The following DSE variants were observed in gnomAD, a reference collection of about 807,000 sequenced individuals.
DSE encodes dermatan-sulfate epimerase.
A neutral mutation model predicts 84.4 loss-of-function variants in DSE; 36 were observed. The observed-to-expected ratio is 0.43, with a 90% confidence interval of 0.33 to 0.56. The LOEUF (loss-of-function observed/expected upper bound fraction) is 0.56. DSE is among the 20% of genes least tolerant of loss of function. DSE has a pLI of 0.06. For synonymous variants in DSE, 410 were observed against 430.1 expected (o/e 0.95, Z 0.58); for missense variants, 862 against 1,169.6 (o/e 0.74, Z 3.84).
At chr6:116,328,814 AC>A (rs1776780584) in intron 2 of DSE, among the ~76,000 whole-genome samples, 1 of 152,190 alleles carries the variant, frequency 6.6e-6, no homozygotes, top group Non-Finnish European at 1.5e-5. Flanking sequence ...AGCTTGCTTC[AC>A]TATTTTTCTC....
chr6:116,391,478 C>A (rs931762363), intron 1 of DSE, among the ~76,000 whole-genome samples: 1 of 151,990 alleles, frequency 6.6e-6, no homozygotes, highest in Non-Finnish European at 1.5e-5. Flanking sequence ...TAAGAGCTCT[C>A]GGTTTTGGCC....
chr6:116,368,678 C>T (rs1422130665), upstream of DSE, among the ~76,000 whole-genome samples: 1 of 152,190 alleles, frequency 6.6e-6, no homozygotes, highest in Admixed American at 6.5e-5. Flanking sequence ...ACAACAAAGC[C>T]ATTAAACATC....
intron 1 of DSE, chr6:116,258,392 T>G: frequency 1.5e-6 from 1 of 672,312 alleles, no homozygotes. Flanking sequence ...AACATGCACA[T>G]TTTTTAAAGT....
rs149114116 is a variant in DSE, at chr6:116,260,714, T to C, written c.-54+1747T>C. ...TCTTTTGCATATGATTAGCCAATTATCCCAGTACCATCTATTGAATAGGGA... is the reference window on the plus strand; with the variant it reads ...TCTTTTGCATATGATTAGCCAATTACCCCAGTACCATCTATTGAATAGGGA... On this transcript the variant is annotated intron_variant, in intron 2 of 3. Coordinates refer to the DSE transcript ENST00000430252. 6.8e-3 allele frequency among the ~76,000 whole-genome samples: 1,030 copies of C among 152,346 alleles called. 21 individuals carry two copies. Among genetic ancestry groups the C allele is most frequent in the South Asian group, 0.049 (236 of 4,820 alleles).
chr6:116,384,356 A>G (rs1291966301), intron 1 of DSE, among the ~76,000 whole-genome samples: 1 of 152,230 alleles, frequency 6.6e-6, no homozygotes, highest in African/African-American at 2.4e-5. Flanking sequence ...TCAGGAAATA[A>G]TGAGAGACAT....
At chr6:116,307,899 G>T (rs1042893621) in intron 2 of DSE, among the ~76,000 whole-genome samples, 1 of 152,220 alleles carries the variant, frequency 6.6e-6, no homozygotes, top group East Asian at 1.9e-4. Context: ...CTGGAAAAGC[G>T]TGAACAGTGA....
At position 116,440,551 on chromosome 6, in the gene DSE, G is replaced by A. The variant is rs1784393593; in HGVS notation, c.*3206G>A. On this transcript the variant is annotated 3_prime_UTR_variant, in exon 6 of 6. Coordinates refer to ENST00000644252, the MANE Select transcript of DSE (RefSeq NM_013352.4). ...GTTAAGAGAAAGCAAGCTATGAAATGCTATATTTGTAGGCTTAAAAGTAAA... is the reference window on the plus strand; with the variant it reads ...GTTAAGAGAAAGCAAGCTATGAAATACTATATTTGTAGGCTTAAAAGTAAA... 4 of 152,262 alleles carry A rather than the reference G, an allele frequency of 2.6e-5. No individual in the cohort carries two copies. In the South Asian group the frequency reaches 8.3e-4, roughly 32 times the overall value. 9.4% of individuals were successfully genotyped at this position (152,262 alleles called of 1,614,324 possible). A position where few individuals can be genotyped will look rare whatever the true frequency, so the allele number is the denominator to read the frequency against.
At chr6:116,395,374 G>A (rs1280727559) in intron 1 of DSE, among the ~76,000 whole-genome samples, 3 of 151,600 alleles carry the variant, frequency 2.0e-5, no homozygotes, top group East Asian at 2.0e-4. Flanking sequence ...GCAGTGAGCC[G>A]AGATCGGGCC....
chr6:116,436,627 T>C lies in DSE; in HGVS notation c.2159T>C (p.Leu720Pro). 5 of 1,614,186 alleles carry C rather than the reference T, an allele frequency of 3.1e-6. No homozygotes were observed. The highest frequency in any genetic ancestry group is 4.2e-6 in the Non-Finnish European group (5 of 1,180,018). The change falls in exon 6 of 6, where the codon CTG becomes CCG. Residue 720 changes from leucine to proline, a missense_variant. By Grantham distance (98) the Leu-to-Pro change is moderately conservative. This residue lies in a region of DSE where 315 missense variants were observed against 348.1 expected (regional missense o/e 0.90). Transcript: ENST00000644252. ...GTCATTGCTGATCGTCACAAAATTCTGTTTGACCGGAATTCAGCCATCAAG... is the reference window on the plus strand; with the variant it reads ...GTCATTGCTGATCGTCACAAAATTCCGTTTGACCGGAATTCAGCCATCAAG... The part of the protein sequence containing the change: ...AQVIADRHKI[L>P]FDRNSAIKSS...
At chr6:116,305,454 A>T (rs1437346951) in intron 2 of DSE, among the ~76,000 whole-genome samples, 1 of 152,246 alleles carries the variant, frequency 6.6e-6, no homozygotes, top group Non-Finnish European at 1.5e-5. Context: ...TGAAGGAGAC[A>T]AAAGAAGCAA....
intron 2 of DSE, among the ~76,000 whole-genome samples, chr6:116,293,373 G>A (rs1774423192): frequency 6.6e-6 from 1 of 151,526 alleles, no homozygotes; most frequent in South Asian, 2.1e-4. Context: ...CCAGGTTCAA[G>A]CTATTCTCCT....
intron 2 of DSE, among the ~76,000 whole-genome samples, chr6:116,405,552 T>C (rs1781869731): frequency 6.6e-6 from 1 of 152,194 alleles, no homozygotes; most frequent in Non-Finnish European, 1.5e-5. Context: ...TCTGTTCTTT[T>C]CATTCTGTGA....
At chr6:116,323,867 C>T (rs1386504326) in intron 2 of DSE, among the ~76,000 whole-genome samples, 1 of 152,130 alleles carries the variant, frequency 6.6e-6, no homozygotes, top group Non-Finnish European at 1.5e-5. Flanking sequence ...TCTTCTCATT[C>T]CCTCTTCCAT....
At chr6:116,429,119 A>G (rs4946165) in intron 3 of DSE, among the ~76,000 whole-genome samples, 3,928 of 152,328 alleles carry the variant, frequency 0.026, 149 homozygotes, top group Admixed American at 0.12. Flanking sequence ...GAAAAGGATG[A>G]AGATAATTAG....
chr6:116,306,980 T>C (rs1425504032), intron 2 of DSE, among the ~76,000 whole-genome samples: 1 of 152,244 alleles, frequency 6.6e-6, no homozygotes, highest in Non-Finnish European at 1.5e-5. Context: ...TTTTAATCTA[T>C]TCAGTCTATG....
chr6:116,413,042 C>G (rs889006823), intron 2 of DSE, among the ~76,000 whole-genome samples: 1 of 152,100 alleles, frequency 6.6e-6, no homozygotes, highest in Non-Finnish European at 1.5e-5. Context: ...TCATTCTTTT[C>G]TATGCCTGCC....
intron 2 of DSE, among the ~76,000 whole-genome samples, chr6:116,327,494 A>G (rs1404899262): frequency 6.6e-6 from 1 of 152,178 alleles, no homozygotes; most frequent in African/African-American, 2.4e-5. Flanking sequence ...GGGGTTTCAG[A>G]AAAGGTGGAA....
chr6:116,357,304 G>C (rs990455508), intron 2 of DSE, among the ~76,000 whole-genome samples: 1 of 152,098 alleles, frequency 6.6e-6, no homozygotes. Context: ...AGGCCAAGGC[G>C]GGTGGATGAC....
Position 116,332,960 on chromosome 6 carries a change from A to G in DSE, c.-53-66238A>G, listed in dbSNP as rs978550236. On this transcript the variant is annotated intron_variant, in intron 2 of 3. Transcript: ENST00000430252. ...TTTAGTAATCAGGAAAATGCAAATT[A>G]AAACCACAGTTATATACCATCAGAC... 4.6e-5 allele frequency among the ~76,000 whole-genome samples: 7 copies of G among 152,238 alleles called. 1 individual carries two copies. The South Asian group carries it at 1.4e-3, about 31-fold the overall frequency.
Sources: gnomAD v4.1 joint callset for allele counts (sites outside exome capture counted in the v4.1 genomes callset) on GRCh38, gnomAD v4.1.1 for gene constraint, gnomAD v4.1.1 regional missense constraint, MANE v1.5 for transcripts, NCBI Gene and HGNC (gene_info 2026-07-23, HGNC 2026-07-21) for gene names.